Variants in TANGO2 observed in about 807,000 individuals in gnomAD.
TANGO2 encodes the protein transport and golgi organization 2 homolog, also known as transport and Golgi organization protein 2 homolog.
Under a neutral mutation model 39.1 loss-of-function variants are expected in TANGO2, and 26 were observed. That is an observed-to-expected ratio of 0.67 (90% confidence interval 0.49 to 0.92). The LOEUF is 0.92. TANGO2 is among the 40% of genes least tolerant of loss of function. The pLI is 0.00. For missense variants in TANGO2, 326 were observed against 360.1 expected, an observed-to-expected ratio of 0.91 and a Z score of 0.77; for synonymous variants, 131 against 144.5, an observed-to-expected ratio of 0.91 and a Z score of 0.67.
intron 7 of TANGO2, 138 bp from the exon 8 acceptor site, chr22:20,063,200 A>G: frequency 1.6e-6 from 1 of 637,714 alleles, no homozygotes; most frequent in Non-Finnish European, 2.8e-6. Flanking sequence ...AGGAAAAAGA[A>G]AAGAAGAAAA....
In TANGO2 at chr22:20,052,509, A is replaced by C; in HGVS notation, c.190A>C (p.Ile64Leu). 1 of 1,607,486 alleles carries C rather than the reference A, an allele frequency of 6.2e-7. No individual in the cohort carries two copies. The highest frequency in any genetic ancestry group is 8.5e-7 in the Non-Finnish European group (1 of 1,177,164). ...EGKEGGTWLG[I>L]STRGKLAALT... ...CAAGGAAGGAGGCACATGGCTGGGC[A>C]TCAGCACACGTGGCAAGCTGGCAGC... The change falls in exon 4 of 9, where the codon ATC becomes CTC. Residue 64 changes from isoleucine (I) to leucine (L), a missense_variant. Physicochemically the swap from Ile to Leu is conservative, Grantham distance 5 (BLOSUM62 2). Transcript: ENST00000327374.
rs2147865099 is a variant in TANGO2 at position 20,064,592 on chromosome 22, A to G, written c.761A>G (p.Glu254Gly). The change falls in exon 9 of 9, where the codon GAG (glutamate) becomes GGG (glycine). Residue 254 changes from glutamate (E) to glycine (G), a missense_variant. Coordinates refer to ENST00000327374, the MANE Select transcript of TANGO2 (RefSeq NM_152906.7). ...GCGGACGGCCACGTGACCTTCACTG[A>G]GCGTAGCATGATGGACAAGGACCTC... is the stretch of plus-strand genomic sequence containing the variant. Reference protein sequence around the residue: ...VDADGHVTFTERSMMDKDLSH... With the variant: ...VDADGHVTFTGRSMMDKDLSH... 1 of 1,614,174 alleles carries G rather than the reference A, an allele frequency of 6.2e-7. No individual in the cohort carries two copies. Among genetic ancestry groups the G allele is most frequent in the South Asian group, 1.1e-5 (1 of 91,082 alleles).
At position 20,052,603 on chromosome 22, in the gene TANGO2, G is replaced by C; in HGVS notation, c.265+19G>C. The C allele has an allele frequency of 6.4e-7, 1 of 1,551,696 alleles. No individual in the cohort carries two copies. The highest frequency in any genetic ancestry group is 8.7e-7 in the Non-Finnish European group (1 of 1,147,832). On this transcript the variant is annotated intron_variant, in intron 4 of 8. Coordinates refer to ENST00000327374, the MANE Select transcript of TANGO2 (RefSeq NM_152906.7). Reference sequence around the variant, plus strand: ...GGGCGAGGTAAGGCGAGTGGGGTGGGGCCAAGGTGAGACAGGGTGGGGTGG... The same window carrying C: ...GGGCGAGGTAAGGCGAGTGGGGTGGCGCCAAGGTGAGACAGGGTGGGGTGG...
upstream of TANGO2, among the ~76,000 whole-genome samples, chr22:20,020,744 G>A (rs2039516844): frequency 6.6e-6 from 1 of 152,124 alleles, no homozygotes; most frequent in Admixed American, 6.5e-5. Flanking sequence ...GTCCGGAAGT[G>A]AGCATTCCTG....
upstream of TANGO2, among the ~76,000 whole-genome samples, chr22:20,017,806 G>A (rs150630182): frequency 6.6e-6 from 1 of 152,218 alleles, no homozygotes; most frequent in Admixed American, 6.5e-5. Flanking sequence ...TGTGGTGTAG[G>A]GGGGAACCAG....
Position 20,067,014 on chromosome 22 carries a change from C to G in TANGO2, c.*2352C>G, listed in dbSNP as rs2049250967. ...ATATCAGTGTCCTGACCCACAGTAC[C>G]TCAGAATGTGACTGCATTTGGAGAT... On this transcript the variant is annotated 3_prime_UTR_variant, in exon 9 of 9. Coordinates refer to ENST00000327374, the MANE Select transcript of TANGO2 (RefSeq NM_152906.7). 1 of 152,224 alleles carries G rather than the reference C, an allele frequency of 6.6e-6. No homozygotes were observed. The highest frequency in any genetic ancestry group is 6.5e-5 in the Admixed American group (1 of 15,278). The allele number at this position is 152,224 out of a possible 1,614,324, so 9.4% of individuals were successfully genotyped here.
chr22:20,024,196 C>A (rs937978190), intron 1 of TANGO2, among the ~76,000 whole-genome samples: 1 of 152,078 alleles, frequency 6.6e-6, no homozygotes, highest in African/African-American at 2.4e-5. Flanking sequence ...CCAGCCTGGG[C>A]GACAAGAGCA....
At position 20,061,511 on chromosome 22, in the gene TANGO2, C is replaced by G; in HGVS notation, c.452-19C>G. 1 of 1,590,424 alleles carries G rather than the reference C, an allele frequency of 6.3e-7. No individual in the cohort carries two copies. Among genetic ancestry groups the G allele is most frequent in the Non-Finnish European group, 8.6e-7 (1 of 1,168,032 alleles). ...GGCACAGCAGGGCCTCTGCATGGCC[C>G]GCTGATTGCTCCTCACAGGCACCTA... is the stretch of plus-strand genomic sequence containing the variant. On this transcript the variant is annotated intron_variant, in intron 6 of 8. Coordinates refer to ENST00000327374, the MANE Select transcript of TANGO2 (RefSeq NM_152906.7).
chr22:20,051,018 C>T (rs183169643), intron 3 of TANGO2, among the ~76,000 whole-genome samples: 10 of 151,058 alleles, frequency 6.6e-5, no homozygotes, highest in East Asian at 4.1e-4. Flanking sequence ...TGCACCACCA[C>T]GCCTGGCTAA....
chr22:20,053,681 G>A (rs753128760), intron 5 of TANGO2, 130 bp downstream of exon 5: 55 of 700,316 alleles, frequency 7.9e-5, no homozygotes, highest in Non-Finnish European at 1.2e-4. Flanking sequence ...CTCGTGACTT[G>A]GCAAACATTC....
chr22:20,025,657 A>G (rs1206997389), intron 1 of TANGO2, among the ~76,000 whole-genome samples: 1 of 152,190 alleles, frequency 6.6e-6, no homozygotes, highest in East Asian at 1.9e-4. Flanking sequence ...GACCAAGCAG[A>G]GTGCTATCTT....
At chr22:20,062,814 C>T (rs1340428728) in intron 7 of TANGO2, among the ~76,000 whole-genome samples, 3 of 152,204 alleles carry the variant, frequency 2.0e-5, no homozygotes, top group Non-Finnish European at 4.4e-5. Context: ...AGATTTTCCG[C>T]CTTGAGCAGA....
chr22:20,042,874 C>A (rs1428781354), intron 2 of TANGO2, among the ~76,000 whole-genome samples: 1 of 152,188 alleles, frequency 6.6e-6, no homozygotes, highest in African/African-American at 2.4e-5. Flanking sequence ...GAAATTAACT[C>A]CAAAACACAC....
At chr22:20,061,945 T>C in intron 7 of TANGO2, 1 of 469,374 alleles carries the variant, frequency 2.1e-6, no homozygotes, top group South Asian at 3.2e-5. Flanking sequence ...AGAGGCTTGA[T>C]GCAGCCACGT....
Position 20,040,411 on chromosome 22 carries a change from C to T in TANGO2, c.57-2944C>T, listed in dbSNP as rs1042433650. ...CAGCACCCGAAGCCAACAGCCCCAG[C>T]CTGGTTTGGGGCTGGACTGGGATGA... On this transcript the variant is annotated intron_variant, in intron 2 of 8. Coordinates refer to ENST00000327374, the MANE Select transcript of TANGO2 (RefSeq NM_152906.7). Among the ~76,000 whole-genome samples, 4 of 152,216 alleles carry T rather than the reference C, an allele frequency of 2.6e-5. No homozygotes were observed. The East Asian group carries it at 7.7e-4, about 29-fold the overall frequency.
chr22:20,031,471 G>A (rs1158223640), intron 1 of TANGO2, among the ~76,000 whole-genome samples: 2 of 152,166 alleles, frequency 1.3e-5, no homozygotes, highest in Non-Finnish European at 2.9e-5. Context: ...CAGGACATTT[G>A]CCCACCTCAC....
At chr22:20,024,428 C>A (rs926671690) in intron 1 of TANGO2, among the ~76,000 whole-genome samples, 2 of 152,208 alleles carry the variant, frequency 1.3e-5, no homozygotes, top group Non-Finnish European at 2.9e-5. Flanking sequence ...CGGGAGCCCG[C>A]GTCACATGTC....
At chr22:20,021,056 C>T (rs924428061), upstream of TANGO2, 1 of 151,782 alleles carries the variant, frequency 6.6e-6, no homozygotes, top group Admixed American at 6.6e-5. Context: ...AACGCGCCGG[C>T]TTCGGGCTGG....
chr22:20,042,154 G>A (rs2147212368), intron 2 of TANGO2, among the ~76,000 whole-genome samples: 1 of 122,372 alleles, frequency 8.2e-6, no homozygotes, highest in East Asian at 3.8e-4. Context: ...ACTAATTTTT[G>A]TATTTTTTTT....
Sources: gnomAD v4.1 joint callset for allele counts (sites outside exome capture counted in the v4.1 genomes callset) on GRCh38, gnomAD v4.1.1 for gene constraint, MANE v1.5 for transcripts, NCBI Gene and HGNC (gene_info 2026-07-23, HGNC 2026-07-21) for gene names.